NGEF: variants seen among roughly 807,000 people sequenced by gnomAD.
The protein encoded by NGEF is ephexin-1.
Under a neutral mutation model 80.9 loss-of-function variants are expected in NGEF, and 31 were observed. The ratio of observed to expected loss-of-function variants is 0.38; its 90% CI spans 0.29 to 0.52. The LOEUF (loss-of-function observed/expected upper bound fraction) is 0.52, where lower values mean the gene tolerates loss of function less well. Ranked by LOEUF, NGEF falls within the 20% of genes least tolerant of loss-of-function variation. The probability of loss-of-function intolerance (pLI) is 0.84; values close to 1 mark genes in which losing one functional copy is unlikely to be tolerated. For missense variants in NGEF, 709 were observed against 926.2 expected (o/e 0.77, Z 3.04); for synonymous variants, 371 against 370.2 (o/e 1.00, Z -0.03).
chr2:232,896,557 G>GCAAAA (rs1692071256), intron 5 of NGEF, among the ~76,000 whole-genome samples: 1 of 130,544 alleles, frequency 7.7e-6, no homozygotes, highest in Admixed American at 7.8e-5. Context: ...GTGAGGGTGG[G>GCAAAA]GTAGGGGTGA....
intron 12 of NGEF, among the ~76,000 whole-genome samples, chr2:232,883,096 C>CGCGT (rs1239922758): frequency 1.3e-5 from 2 of 152,152 alleles, no homozygotes; most frequent in African/African-American, 4.8e-5. Flanking sequence ...CACACGCACA[C>CGCGT]ACGTACACGC....
At chr2:232,881,398 T>C in intron 13 of NGEF, 148 bp from the exon 14 acceptor site, 2 of 634,762 alleles carry the variant, frequency 3.2e-6, no homozygotes, top group East Asian at 2.7e-5. Context: ...AGGATTTGTT[T>C]CCATAGAAAA....
At chr2:232,992,383 C>T (rs563946341) in intron 1 of NGEF, among the ~76,000 whole-genome samples, 21 of 151,942 alleles carry the variant, frequency 1.4e-4, no homozygotes, top group African/African-American at 3.6e-4. Flanking sequence ...CATGGTGAAA[C>T]GCCGTCTCCA....
At position 232,980,843 on chromosome 2, in the gene NGEF, C is replaced by G. The variant is rs189392281; in HGVS notation, c.-74-5879G>C. Among the ~76,000 whole-genome samples the G allele has an allele frequency of 6.2e-4, 94 of 152,266 alleles. No individual in the cohort carries two copies. In the East Asian group the frequency reaches 0.016, roughly 25 times the overall value. On this transcript the variant is annotated intron_variant, in intron 1 of 14. Transcript: ENST00000264051. Reference sequence around the variant, plus strand: ...CCCTAGAGCCCCCTCAGGCAAAGTCCTAGGGGAACACCGCCACCAGGGCAT... The same window carrying G: ...CCCTAGAGCCCCCTCAGGCAAAGTCGTAGGGGAACACCGCCACCAGGGCAT...
chr2:232,991,778 C>A (rs1694655296), intron 1 of NGEF, among the ~76,000 whole-genome samples: 1 of 152,092 alleles, frequency 6.6e-6, no homozygotes, highest in Non-Finnish European at 1.5e-5. Flanking sequence ...GAGACTCATG[C>A]CAAAACAATC....
At chr2:232,955,396 T>C (rs1049329303) in intron 3 of NGEF, among the ~76,000 whole-genome samples, 1 of 152,198 alleles carries the variant, frequency 6.6e-6, no homozygotes, top group Admixed American at 6.5e-5. Context: ...CTTTTTGCTA[T>C]TGTCTGCTAT....
chr2:232,927,288 G>T, intron 3 of NGEF, 102 bp from the exon 4 acceptor site: 1 of 1,315,348 alleles, frequency 7.6e-7, no homozygotes, highest in Non-Finnish European at 1.0e-6. Flanking sequence ...TAGCCAGCCG[G>T]ACCTTACCCG....
chr2:232,936,469 A>G (rs969420400), intron 3 of NGEF, among the ~76,000 whole-genome samples: 1 of 152,114 alleles, frequency 6.6e-6, no homozygotes, highest in Non-Finnish European at 1.5e-5. Context: ...GCCTTGGCCC[A>G]CTCTGGATAG....
At chr2:232,994,507 G>A (rs1474445565) in intron 1 of NGEF, among the ~76,000 whole-genome samples, 1 of 152,142 alleles carries the variant, frequency 6.6e-6, no homozygotes, top group Admixed American at 6.5e-5. Context: ...AGGAATTAAA[G>A]CATTAAATAT....
intron 3 of NGEF, 163 bp downstream of exon 3, chr2:232,970,051 A>T (rs4246648): frequency 0.75 from 289,409 of 387,274 alleles, 110,069 homozygotes; most frequent in African/African-American, 0.89. Context: ...AGTTTTTTTT[A>T]AATTATGGAG....
chr2:232,890,172 G>A (rs1359892169), intron 8 of NGEF, among the ~76,000 whole-genome samples: 1 of 144,030 alleles, frequency 6.9e-6, no homozygotes, highest in Admixed American at 7.1e-5. Flanking sequence ...CTGATTCTGG[G>A]TCTGTCAGGT....
rs1027049242 is a variant in NGEF, at chr2:232,903,131, C to T, written c.829-8215G>A. Among the ~76,000 whole-genome samples the T allele has an allele frequency of 5.9e-5, 9 of 152,324 alleles. No homozygotes were observed. The South Asian group carries it at 1.4e-3, about 25-fold the overall frequency. On this transcript the variant is annotated intron_variant, in intron 5 of 14. Coordinates refer to ENST00000264051, the MANE Select transcript of NGEF (RefSeq NM_019850.3). Reference sequence around the variant, plus strand: ...TGGCTAGTGTGTGAAGGCAATTAGGCGATACCCTCTCAAAATTTAAAGAAC... The same window carrying T: ...TGGCTAGTGTGTGAAGGCAATTAGGTGATACCCTCTCAAAATTTAAAGAAC...
chr2:232,882,630 G>T (rs1275727489), intron 12 of NGEF, among the ~76,000 whole-genome samples: 1 of 152,252 alleles, frequency 6.6e-6, no homozygotes, highest in South Asian at 2.1e-4. Context: ...GACAGGTCCT[G>T]CCCTGGTCCA....
At position 232,958,935 on chromosome 2, in the gene NGEF, C is replaced by T. The variant is rs999369532; in HGVS notation, c.383+11279G>A. 3.3e-5 allele frequency among the ~76,000 whole-genome samples: 5 copies of T among 152,260 alleles called. No homozygotes were observed. In the South Asian group the frequency reaches 6.2e-4, roughly 19 times the overall value. On this transcript the variant is annotated intron_variant, in intron 3 of 14. Transcript: ENST00000264051. ...GCAAATCCCAGACGTCATATCACTT[C>T]ATCCAAAATATTTCAGACTGTATTT...
rs1460772653 is a variant in NGEF, at chr2:232,894,831, A to T, written c.914T>A (p.Ile305Lys). ...LVSHFMENERIRKILHPSEAH... is the reference protein window; with the variant it reads ...LVSHFMENERKRKILHPSEAH... ...CTCGGACGGGTGCAGGATCTTCCTT[A>T]TCCGCTCGTTCTCCATGAAGTGGGA... The change falls in exon 6 of 15, where the codon ATA (isoleucine) becomes AAA (lysine). Residue 305 changes from isoleucine to lysine, a missense_variant. By Grantham distance (102) the Ile-to-Lys change is moderately radical. Around this residue, in one of 2 missense-constraint regions of NGEF, gnomAD observed 426 missense variants for 622.9 expected, o/e 0.68. Transcript: ENST00000264051. The T allele has an allele frequency of 3.1e-6, 5 of 1,611,536 alleles. No homozygotes were observed. In the African/African-American group the frequency reaches 5.3e-5, roughly 17 times the overall value.
intron 1 of NGEF, among the ~76,000 whole-genome samples, chr2:232,994,135 C>T (rs932991076): frequency 1.3e-5 from 2 of 151,872 alleles, no homozygotes; most frequent in East Asian, 1.9e-4. Flanking sequence ...TTTGGGAGGC[C>T]GAATTGGGTG....
intron 5 of NGEF, among the ~76,000 whole-genome samples, chr2:232,897,543 CA>C (rs907415531): frequency 6.6e-6 from 1 of 152,126 alleles, no homozygotes; most frequent in African/African-American, 2.4e-5. Flanking sequence ...TGCTTCCCTG[CA>C]AAGCTCTGCC....
At chr2:233,007,291 G>A (rs1226785155) in intron 1 of NGEF, among the ~76,000 whole-genome samples, 1 of 152,110 alleles carries the variant, frequency 6.6e-6, no homozygotes, top group Non-Finnish European at 1.5e-5. Context: ...AGCAAATAGC[G>A]TTTCTCAAGA....
chr2:232,882,134 G>T, intron 13 of NGEF, 52 bp downstream of exon 13: 1 of 1,543,064 alleles, frequency 6.5e-7, no homozygotes, highest in Non-Finnish European at 8.9e-7. Context: ...TGCGGCATCC[G>T]GCAGGGCCAG....
Sources: allele counts gnomAD v4.1 joint callset (sites outside exome capture counted in the v4.1 genomes callset), GRCh38; gene constraint gnomAD v4.1.1; regional missense constraint gnomAD v4.1.1; transcripts MANE v1.5; gene names NCBI Gene and HGNC (gene_info 2026-07-23, HGNC 2026-07-21).